The following IMMP2L variants were observed in gnomAD, a reference collection of about 807,000 sequenced individuals.
IMMP2L encodes the protein mitochondrial inner membrane protease subunit 2.
IMMP2L carries 18 observed loss-of-function variants against 19.3 expected under a neutral mutation model. The observed-to-expected ratio is 0.93, with a 90% CI of 0.64 to 1.38. The LOEUF (loss-of-function observed/expected upper bound fraction) is 1.38. Among genes scored for constraint, IMMP2L ranks in the 40% most tolerant of loss-of-function variants. The probability of loss-of-function intolerance (pLI) is 0.00; values close to 1 mark genes in which losing one functional copy is unlikely to be tolerated. For synonymous variants in IMMP2L, 76 were observed against 73.0 expected, an observed-to-expected ratio of 1.04 and a Z score of -0.21; for missense variants, 233 against 218.2, an observed-to-expected ratio of 1.07 and a Z score of -0.43.
intron 3 of IMMP2L, among the ~76,000 whole-genome samples, chr7:111,015,584 C>T (rs946141341): frequency 2.0e-5 from 3 of 152,048 alleles, no homozygotes; most frequent in Admixed American, 6.6e-5. Context: ...AAAAGGGCCA[C>T]TTATTGTTTG....
intron 3 of IMMP2L, among the ~76,000 whole-genome samples, chr7:111,431,010 G>A (rs536173063): frequency 1.8e-4 from 28 of 151,878 alleles, no homozygotes; most frequent in Admixed American, 1.1e-3. Flanking sequence ...GGGAGGCTGA[G>A]GCATGAGAAT....
At chr7:111,471,466 T>A (rs1006827365) in intron 3 of IMMP2L, among the ~76,000 whole-genome samples, 1 of 152,080 alleles carries the variant, frequency 6.6e-6, no homozygotes. Flanking sequence ...AAAAGCCACA[T>A]GTGGTTACTG....
intron 5 of IMMP2L, among the ~76,000 whole-genome samples, chr7:110,753,640 T>A (rs973299793): frequency 6.6e-6 from 1 of 151,948 alleles, no homozygotes; most frequent in Non-Finnish European, 1.5e-5. Flanking sequence ...TATTGGTAGA[T>A]ACCAAGAACA....
chr7:110,750,469 T>C (rs1797651390), intron 5 of IMMP2L, among the ~76,000 whole-genome samples: 1 of 152,136 alleles, frequency 6.6e-6, no homozygotes, highest in Non-Finnish European at 1.5e-5. Flanking sequence ...GCAAAGAGTA[T>C]ATTTAAATAA....
intron 5 of IMMP2L, among the ~76,000 whole-genome samples, chr7:110,807,532 A>G (rs1490289708): frequency 1.3e-5 from 2 of 152,026 alleles, no homozygotes; most frequent in African/African-American, 4.8e-5. Context: ...AACCAAGTAA[A>G]TATTTGATAA....
At chr7:111,254,722 A>G (rs7810543) in intron 3 of IMMP2L, among the ~76,000 whole-genome samples, 56,003 of 151,904 alleles carry the variant, frequency 0.37, 10,843 homozygotes, top group East Asian at 0.62. Context: ...TCTGCACAAC[A>G]TAAGTCCCAG....
At chr7:110,876,648 A>T (rs917773623) in intron 5 of IMMP2L, among the ~76,000 whole-genome samples, 2 of 152,164 alleles carry the variant, frequency 1.3e-5, no homozygotes, top group African/African-American at 4.8e-5. Flanking sequence ...ATTGGTTCCT[A>T]AGGACTCTTA....
intron 4 of IMMP2L, among the ~76,000 whole-genome samples, chr7:110,887,590 G>T (rs893806573): frequency 9.6e-5 from 8 of 83,666 alleles, no homozygotes; most frequent in Non-Finnish European, 1.6e-4. Context: ...GCTTTTTATA[G>T]CAAAAAAAAA....
At chr7:111,016,199 T>C (rs1429824293) in intron 3 of IMMP2L, among the ~76,000 whole-genome samples, 2 of 151,578 alleles carry the variant, frequency 1.3e-5, no homozygotes, top group African/African-American at 4.8e-5. Context: ...AACTACGTCT[T>C]CACTTTGCAC....
intron 3 of IMMP2L, among the ~76,000 whole-genome samples, chr7:111,484,195 T>C (rs1842428518): frequency 6.6e-6 from 1 of 152,152 alleles, no homozygotes; most frequent in Non-Finnish European, 1.5e-5. Context: ...TTACTGCAGT[T>C]TAATTATTAG....
At chr7:111,469,747 G>A (rs28887631) in intron 3 of IMMP2L, among the ~76,000 whole-genome samples, 3,564 of 152,164 alleles carry the variant, frequency 0.023, 143 homozygotes, top group African/African-American at 0.08. Context: ...AGACTTAAAC[G>A]TCAGACCTAA....
intron 3 of IMMP2L, among the ~76,000 whole-genome samples, chr7:111,060,783 A>G (rs1448879287): frequency 6.6e-5 from 10 of 152,230 alleles, no homozygotes; most frequent in Admixed American, 6.5e-4. Context: ...TTTAAAAATA[A>G]GCTGCTTGGG....
chr7:111,058,462 GAC>G (rs373348885), intron 3 of IMMP2L, among the ~76,000 whole-genome samples: 1 of 152,120 alleles, frequency 6.6e-6, no homozygotes, highest in Non-Finnish European at 1.5e-5. Context: ...GTGTTTGTAG[GAC>G]ACAGTCTATT....
At position 110,775,705 on chromosome 7, in the gene IMMP2L, A is replaced by G. The variant is rs1799339039; in HGVS notation, c.408+110888T>C. ...TAAAAATATGTTTTGTTTTTGCTACATCTAATGTTACTCTTCTTTACTTGG... is the reference window on the plus strand; with the variant it reads ...TAAAAATATGTTTTGTTTTTGCTACGTCTAATGTTACTCTTCTTTACTTGG... On this transcript the variant is annotated intron_variant, in intron 5 of 5. Coordinates refer to ENST00000405709, the MANE Select transcript of IMMP2L (RefSeq NM_032549.4). Among the ~76,000 whole-genome samples, 4 of 152,186 alleles carry G rather than the reference A, an allele frequency of 2.6e-5. 1 individual carries two copies. The South Asian group carries it at 8.3e-4, about 32-fold the overall frequency.
chr7:111,146,840 G>A (rs1354431639), intron 3 of IMMP2L, among the ~76,000 whole-genome samples: 2 of 152,128 alleles, frequency 1.3e-5, no homozygotes, highest in East Asian at 3.8e-4. Flanking sequence ...CTGGGTGCCA[G>A]AGGTAACACT....
chr7:110,725,836 G>T (rs564517010), intron 5 of IMMP2L: 2 of 152,286 alleles, frequency 1.3e-5, no homozygotes, highest in African/African-American at 4.8e-5. Context: ...GAAACTTAAA[G>T]AATGAATACC....
chr7:110,848,267 C>A lies in IMMP2L; in HGVS notation c.408+38326G>T, dbSNP rs377512161. ...GCAAAAAGTCTGAACAGACAACTCA[C>A]CAAAGAAAAAATATGGTTGGTAAGC... On this transcript the variant is annotated intron_variant, in intron 5 of 5. Transcript: ENST00000405709. 1.4e-4 allele frequency among the ~76,000 whole-genome samples: 21 copies of A among 152,172 alleles called. No individual in the cohort carries two copies. In the East Asian group the frequency reaches 2.7e-3, roughly 20 times the overall value.
At chr7:111,345,128 TATA>T (rs1447543530) in intron 3 of IMMP2L, among the ~76,000 whole-genome samples, 2 of 152,168 alleles carry the variant, frequency 1.3e-5, no homozygotes, top group African/African-American at 2.4e-5. Flanking sequence ...GGAAATTTCA[TATA>T]ATATCACATA....
At chr7:111,084,164 T>C (rs924508655) in intron 3 of IMMP2L, among the ~76,000 whole-genome samples, 1 of 152,056 alleles carries the variant, frequency 6.6e-6, no homozygotes, top group African/African-American at 2.4e-5. Context: ...ACGATGAATA[T>C]CTAGCAGACA....
Sources: allele counts gnomAD v4.1 joint callset (sites outside exome capture counted in the v4.1 genomes callset), GRCh38; gene constraint gnomAD v4.1.1; transcripts MANE v1.5; gene names NCBI Gene and HGNC (gene_info 2026-07-23, HGNC 2026-07-21).